Variants in TNFSF4 observed in about 807,000 individuals in gnomAD.
TNFSF4 encodes the protein TNF superfamily member 4, also known as tumor necrosis factor ligand superfamily member 4.
A neutral mutation model predicts 7.3 loss-of-function variants in TNFSF4; 4 were observed. The ratio of observed to expected loss-of-function variants is 0.55; its 90% confidence interval spans 0.27 to 1.25. The LOEUF (loss-of-function observed/expected upper bound fraction) is 1.25. Among genes scored for constraint, TNFSF4 ranks in the 50% most tolerant of loss-of-function variants. The pLI is 0.12. For synonymous variants in TNFSF4, 76 were observed against 83.7 expected, an observed-to-expected ratio of 0.91 and a Z score of 0.50; for missense variants, 181 against 208.8, an observed-to-expected ratio of 0.87 and a Z score of 0.82.
chr1:173,349,038 TA>T, the TNFSF4 span, among the ~76,000 whole-genome samples: 2 of 152,068 alleles, frequency 1.3e-5, no homozygotes, highest in African/African-American at 2.4e-5. Context: ...TTATTATTAT[TA>T]TTTTTTTTAG....
At chr1:173,379,064 A>C in the TNFSF4 span, among the ~76,000 whole-genome samples, 3 of 152,072 alleles carry the variant, frequency 2.0e-5, no homozygotes, top group Non-Finnish European at 4.4e-5. Context: ...CAAACCTTCA[A>C]TCTCACTTGG....
chr1:173,322,402 G>C, the TNFSF4 span, among the ~76,000 whole-genome samples: 3 of 152,058 alleles, frequency 2.0e-5, no homozygotes, highest in Non-Finnish European at 4.4e-5. Flanking sequence ...CTAGATGATG[G>C]GGGGTGGAGC....
the TNFSF4 span, among the ~76,000 whole-genome samples, chr1:173,338,165 C>T: frequency 2.6e-5 from 4 of 152,166 alleles, no homozygotes; most frequent in Admixed American, 2.0e-4. Context: ...GTACCATTCC[C>T]CCACAGGAAT....
At chr1:173,241,999 G>A in the TNFSF4 span, among the ~76,000 whole-genome samples, 1 of 152,180 alleles carries the variant, frequency 6.6e-6, no homozygotes, top group Non-Finnish European at 1.5e-5. Context: ...TGCAAGTCTC[G>A]AAGATGTCAA....
chr1:173,449,429 T>C, the TNFSF4 span, among the ~76,000 whole-genome samples: 3 of 151,702 alleles, frequency 2.0e-5, no homozygotes, highest in African/African-American at 7.3e-5. Flanking sequence ...TCTCAGCTCA[T>C]TGCAACCTCC....
the TNFSF4 span, chr1:173,362,992 C>T: frequency 2.8e-6 from 1 of 356,504 alleles, no homozygotes; most frequent in Non-Finnish European, 5.5e-6. Context: ...TCTTCTTGCA[C>T]TGGGAAAATG....
chr1:173,418,652 A>T, the TNFSF4 span: 1 of 152,110 alleles, frequency 6.6e-6, no homozygotes, highest in Non-Finnish European at 1.5e-5. Context: ...TAACAACAAG[A>T]AAATCATCAT....
the TNFSF4 span, among the ~76,000 whole-genome samples, chr1:173,395,376 TAA>T: frequency 5.0e-5 from 2 of 40,108 alleles, no homozygotes; most frequent in Non-Finnish European, 8.8e-5. Context: ...ACTGTGTATA[TAA>T]TATATATATA....
chr1:173,205,316 G>A lies in TNFSF4; in HGVS notation c.153+1708C>T, dbSNP rs752357101. 7 of 1,612,138 alleles carry A rather than the reference G, an allele frequency of 4.3e-6. No homozygotes were observed. In the East Asian group the frequency reaches 1.1e-4, roughly 26 times the overall value. On this transcript the variant is annotated intron_variant, in intron 1 of 2. Coordinates refer to ENST00000281834, the MANE Select transcript of TNFSF4 (RefSeq NM_003326.5). ...CTCCCCTAGAGATCACTCACCATGA[G>A]GTTTAGTGTCCTAGAAACCAGCACC... is the stretch of plus-strand genomic sequence containing the variant.
chr1:173,439,721 A>C, the TNFSF4 span, among the ~76,000 whole-genome samples: 1 of 152,194 alleles, frequency 6.6e-6, no homozygotes. Flanking sequence ...TGGAAAGGCC[A>C]CTGAATCTTC....
the TNFSF4 span, among the ~76,000 whole-genome samples, chr1:173,266,709 G>A: frequency 2.6e-5 from 4 of 151,744 alleles, no homozygotes; most frequent in African/African-American, 4.8e-5. Flanking sequence ...TATATTCCTC[G>A]TGTTTATTAC....
At chr1:173,332,009 T>C in the TNFSF4 span, among the ~76,000 whole-genome samples, 2 of 152,152 alleles carry the variant, frequency 1.3e-5, no homozygotes, top group Non-Finnish European at 2.9e-5. Flanking sequence ...CCAAACATCC[T>C]ACAATGTACA....
the TNFSF4 span, among the ~76,000 whole-genome samples, chr1:173,384,178 T>G: frequency 3.9e-5 from 6 of 152,196 alleles, no homozygotes; most frequent in African/African-American, 1.4e-4. Context: ...GCTCCATCAG[T>G]GTAAAGATCA....
chr1:173,239,523 A>T, the TNFSF4 span, among the ~76,000 whole-genome samples: 108 of 152,220 alleles, frequency 7.1e-4, 3 homozygotes, highest in South Asian at 0.014. Context: ...TTTTCCCCCT[A>T]ACTTCATTCT....
At chr1:173,195,377 G>C (rs1649655381) in intron 1 of TNFSF4, among the ~76,000 whole-genome samples, 1 of 152,192 alleles carries the variant, frequency 6.6e-6, no homozygotes, top group Non-Finnish European at 1.5e-5. Flanking sequence ...GCTCTGATTA[G>C]GTAAAACTGT....
chr1:173,330,689 T>C, the TNFSF4 span, among the ~76,000 whole-genome samples: 1 of 152,088 alleles, frequency 6.6e-6, no homozygotes, highest in South Asian at 2.1e-4. Context: ...TCCAAAATTA[T>C]AAATTTTAAA....
At chr1:173,247,019 T>C in the TNFSF4 span, among the ~76,000 whole-genome samples, 3 of 152,224 alleles carry the variant, frequency 2.0e-5, no homozygotes, top group African/African-American at 7.2e-5. Flanking sequence ...GGGAATCTAA[T>C]GCCTTAAATA....
the TNFSF4 span, among the ~76,000 whole-genome samples, chr1:173,230,595 G>T: frequency 2.6e-5 from 4 of 152,170 alleles, no homozygotes; most frequent in Non-Finnish European, 5.9e-5. Flanking sequence ...AGCATTGAAG[G>T]AGATAGAGAC....
the TNFSF4 span, among the ~76,000 whole-genome samples, chr1:173,448,258 G>C: frequency 6.6e-6 from 1 of 152,136 alleles, no homozygotes; most frequent in Non-Finnish European, 1.5e-5. Flanking sequence ...GTTATGTCCA[G>C]TTGACATAAT....
Sources: allele counts gnomAD v4.1 joint callset (sites outside exome capture counted in the v4.1 genomes callset), GRCh38; gene constraint gnomAD v4.1.1; transcripts MANE v1.5; gene names NCBI Gene and HGNC (gene_info 2026-07-23, HGNC 2026-07-21).